PRH1: variants seen among roughly 807,000 people sequenced by gnomAD.
The protein encoded by PRH1 is salivary acidic proline-rich phosphoprotein 1/2.
PRH1 carries 7 observed loss-of-function variants against 7.9 expected under a neutral mutation model. The ratio of observed to expected loss-of-function variants is 0.89; its 90% confidence interval spans 0.50 to 1.67. PRH1 has a LOEUF of 1.67. Ranked by LOEUF, PRH1 falls within the 40% of genes most tolerant of loss-of-function variation. The pLI is 0.00. For missense variants in PRH1, 109 were observed against 223.6 expected (o/e 0.49, Z 3.27); for synonymous variants, 45 against 80.8 (o/e 0.56, Z 2.38).
upstream of PRH1, chr12:11,048,529 A>C (rs1192567695): frequency 9.4e-6 from 5 of 531,790 alleles, no homozygotes; most frequent in Non-Finnish European, 1.7e-5. Flanking sequence ...GATTAGACAC[A>C]GAAAGTAAAT....
At chr12:11,024,068 G>T (rs1007563222) in intron 1 of PRH1, among the ~76,000 whole-genome samples, 1 of 152,210 alleles carries the variant, frequency 6.6e-6, no homozygotes, top group Non-Finnish European at 1.5e-5. Context: ...TGGTTGGCAG[G>T]TAACATCATG....
At chr12:11,166,002 T>C (rs61928610) in intron 1 of PRH1, 33,994 of 152,202 alleles carry the variant, frequency 0.22, 3,838 homozygotes, top group Non-Finnish European at 0.24. Flanking sequence ...CCTGTCTACG[T>C]ACCTTTGCCT....
intron 1 of PRH1, among the ~76,000 whole-genome samples, chr12:11,044,814 G>A (rs1418845083): frequency 1.3e-5 from 2 of 152,126 alleles, no homozygotes; most frequent in African/African-American, 4.8e-5. Context: ...AACAAGTGCT[G>A]GTGAAGATGT....
intron 1 of PRH1, chr12:11,030,340 A>G: frequency 2.6e-6 from 4 of 1,546,360 alleles, no homozygotes; most frequent in Non-Finnish European, 2.6e-6. Context: ...AGTAAGAAAT[A>G]TAAAATGTTT....
At chr12:10,983,425 T>G (rs1214994941) in intron 1 of PRH1, among the ~76,000 whole-genome samples, 1 of 152,182 alleles carries the variant, frequency 6.6e-6, no homozygotes, top group East Asian at 1.9e-4. Context: ...CTTCCTCAGA[T>G]TATCTTGACT....
intron 1 of PRH1, among the ~76,000 whole-genome samples, chr12:11,068,319 T>C (rs186043291): frequency 6.6e-6 from 1 of 152,350 alleles, no homozygotes; most frequent in Admixed American, 6.5e-5. Flanking sequence ...TCTTGAACTT[T>C]ATGTAAATGA....
chr12:11,039,461 GAAGT>G (rs1031343235), intron 1 of PRH1, among the ~76,000 whole-genome samples: 20 of 152,230 alleles, frequency 1.3e-4, no homozygotes, highest in African/African-American at 4.8e-4. Flanking sequence ...CATCGTTGTT[GAAGT>G]AAAACCTGAA....
At chr12:10,904,002 A>C (rs1949766279) in intron 2 of PRH1, among the ~76,000 whole-genome samples, 1 of 147,548 alleles carries the variant, frequency 6.8e-6, no homozygotes, top group Non-Finnish European at 1.5e-5. Flanking sequence ...ACTGTGAAAC[A>C]CTGCTGAAAG....
intron 1 of PRH1, among the ~76,000 whole-genome samples, chr12:11,039,547 A>G (rs1329847836): frequency 6.6e-6 from 1 of 152,252 alleles, no homozygotes; most frequent in East Asian, 1.9e-4. Context: ...TAAACTCTCC[A>G]TAATTTGTGT....
intron 1 of PRH1, among the ~76,000 whole-genome samples, chr12:11,103,134 G>A (rs868445596): frequency 2.6e-5 from 4 of 152,096 alleles, no homozygotes; most frequent in Admixed American, 1.3e-4. Context: ...ACAGTGTGGC[G>A]ATTCCTCAGG....
chr12:10,920,943 T>C (rs776318910), intron 2 of PRH1, among the ~76,000 whole-genome samples: 1 of 152,090 alleles, frequency 6.6e-6, no homozygotes, highest in African/African-American at 2.4e-5. Context: ...TAAATTAGAT[T>C]AAACATTTTT....
In PRH1 at chr12:10,883,200, C is replaced by A. The variant is rs184993523; in HGVS notation, c.65-104G>T. 31 of 1,321,944 alleles carry A rather than the reference C, an allele frequency of 2.3e-5. No individual in the cohort carries two copies. In the East Asian group the frequency reaches 6.7e-4, roughly 29 times the overall value. The allele number at this position is 1,321,944 out of a possible 1,614,324, so 81.9% of individuals were successfully genotyped here. The stretch of plus-strand genomic sequence containing the variant: ...GACCTCTGATCACACCCTGTGCATC[C>A]CCTTTGTGATCTCATCAGCCACTCT... On this transcript the variant is annotated intron_variant, in intron 1 of 3. Coordinates refer to ENST00000543626, the MANE Select transcript of PRH1 (RefSeq NM_001393989.1).
chr12:11,031,365 A>C, intron 1 of PRH1: 1 of 1,603,396 alleles, frequency 6.2e-7, no homozygotes, highest in East Asian at 2.2e-5. Context: ...AATTGTTTTA[A>C]TGCTGGTGTT....
At chr12:11,153,548 G>T (rs557053306) in intron 1 of PRH1, among the ~76,000 whole-genome samples, 1 of 152,242 alleles carries the variant, frequency 6.6e-6, no homozygotes, top group East Asian at 1.9e-4. Context: ...GTTGCCAGGA[G>T]ATGCACTCTT....
At chr12:10,903,513 T>C (rs1949753131) in intron 2 of PRH1, among the ~76,000 whole-genome samples, 1 of 151,836 alleles carries the variant, frequency 6.6e-6, no homozygotes, top group Non-Finnish European at 1.5e-5. Context: ...AATTAGGCAT[T>C]GAAGGAACAT....
intron 1 of PRH1, among the ~76,000 whole-genome samples, chr12:11,042,790 C>G (rs111975300): frequency 9.2e-5 from 14 of 151,776 alleles, no homozygotes; most frequent in Non-Finnish European, 1.8e-4. Context: ...CCACCACGCC[C>G]GGCTAAATTT....
chr12:10,996,879 T>C, intron 1 of PRH1: 2 of 1,443,656 alleles, frequency 1.4e-6, no homozygotes, highest in African/African-American at 2.8e-5. Context: ...TTGTGGGAAA[T>C]ATAAAATGTT....
intron 1 of PRH1, among the ~76,000 whole-genome samples, chr12:11,107,012 G>T (rs66840927): frequency 0.29 from 43,987 of 151,770 alleles, 8,240 homozygotes; most frequent in East Asian, 0.74. Flanking sequence ...CTTCTTTTTT[G>T]GGGTAGGGGA....
chr12:11,022,693 T>A lies in PRH1; in HGVS notation c.-126+24327A>T, dbSNP rs1941722933. 5.4e-6 allele frequency: 4 copies of A among 733,950 alleles called. No individual in the cohort carries two copies. The East Asian group carries it at 1.1e-4, about 20-fold the overall frequency. The allele number at this position is 733,950 out of a possible 1,614,324, so 45.5% of individuals were successfully genotyped here. ...GCAATAACATTTTCTGCCTTTAAAT[T>A]CAGTGACTAGTGTCAACAGGCAAGC... On this transcript the variant is annotated intron_variant, in intron 1 of 3. Transcript: ENST00000539853.
Sources: gnomAD v4.1 joint callset for allele counts (sites outside exome capture counted in the v4.1 genomes callset) on GRCh38, gnomAD v4.1.1 for gene constraint, MANE v1.5 for transcripts, NCBI Gene and HGNC (gene_info 2026-07-23, HGNC 2026-07-21) for gene names.